FBXW11: variants seen among roughly 807,000 people sequenced by gnomAD.
FBXW11 encodes the protein F-box and WD repeat domain containing 11.
Under a neutral mutation model 77.6 loss-of-function variants are expected in FBXW11, and 19 were observed. The ratio of observed to expected loss-of-function variants is 0.24; its 90% confidence interval spans 0.17 to 0.36. The LOEUF is 0.36. Ranked by LOEUF, FBXW11 falls within the 10% of genes least tolerant of loss-of-function variation. FBXW11 has a pLI of 1.00. For missense variants in FBXW11, 334 were observed against 704.2 expected (o/e 0.47, Z 5.95); for synonymous variants, 235 against 249.4 (o/e 0.94, Z 0.54).
At chr5:171,926,885 A>G (rs1374779852) in intron 2 of FBXW11, among the ~76,000 whole-genome samples, 1 of 152,224 alleles carries the variant, frequency 6.6e-6, no homozygotes. Context: ...GGTATAATAA[A>G]TATCTATTGA....
intron 3 of FBXW11, 72 bp downstream of exon 3, chr5:171,914,271 G>A (rs1761082185): frequency 1.6e-6 from 2 of 1,286,786 alleles, no homozygotes; most frequent in Middle Eastern, 1.8e-4. Flanking sequence ...ATTCCACTGA[G>A]GACATTAACT....
At chr5:171,873,093 G>T in intron 9 of FBXW11, 103 bp from the exon 10 acceptor site, 1 of 932,220 alleles carries the variant, frequency 1.1e-6, no homozygotes, top group Non-Finnish European at 1.6e-6. Flanking sequence ...ACCCAAATAT[G>T]TGATTATAAA....
chr5:171,983,124 A>G (rs891608123), intron 1 of FBXW11, among the ~76,000 whole-genome samples: 1 of 152,140 alleles, frequency 6.6e-6, no homozygotes, highest in African/African-American at 2.4e-5. Flanking sequence ...CGAAAGGTCA[A>G]GGCTGTGGTG....
At chr5:171,864,643 T>C (rs1047720743) in intron 13 of FBXW11, among the ~76,000 whole-genome samples, 7 of 152,196 alleles carry the variant, frequency 4.6e-5, no homozygotes, top group African/African-American at 1.2e-4. Flanking sequence ...TCCTTTTTAA[T>C]AAGTAAATCA....
chr5:171,950,327 T>C (rs1459568539), intron 2 of FBXW11, among the ~76,000 whole-genome samples: 1 of 152,018 alleles, frequency 6.6e-6, no homozygotes, highest in African/African-American at 2.4e-5. Context: ...AAAGCACTGT[T>C]CACTTTAAGA....
At chr5:171,899,889 G>T in intron 5 of FBXW11, 25 bp downstream of exon 5, 1 of 1,538,306 alleles carries the variant, frequency 6.5e-7, no homozygotes, top group Non-Finnish European at 8.8e-7. Flanking sequence ...ATTTTTTCAA[G>T]GGAACAAGCA....
chr5:171,943,419 T>A (rs1312282422), intron 2 of FBXW11, among the ~76,000 whole-genome samples: 1 of 152,192 alleles, frequency 6.6e-6, no homozygotes, highest in Non-Finnish European at 1.5e-5. Flanking sequence ...GGACATCTCT[T>A]GACATCCTTT....
Position 171,879,957 on chromosome 5 carries a change from C to A in FBXW11, c.853-1828G>T, listed in dbSNP as rs367841170. Among the ~76,000 whole-genome samples, 175 of 152,228 alleles carry A rather than the reference C, an allele frequency of 1.1e-3. 1 individual carries two copies. The highest frequency in any genetic ancestry group is 3.9e-3 in the African/African-American group (164 of 41,544). ...TTTAACAAAGTCCAGCTCATTAATT[C>A]TTTCTTTCATGGGTCATGGCTTTGG... On this transcript the variant is annotated intron_variant, in intron 7 of 13. Transcript: ENST00000517395.
chr5:171,930,762 T>TAAAAAAAAAAAAATAAAAAAATA (rs1762143224), intron 2 of FBXW11, among the ~76,000 whole-genome samples: 1 of 126,536 alleles, frequency 7.9e-6, no homozygotes, highest in Non-Finnish European at 1.7e-5. Flanking sequence ...AATAAAAAAA[T>TAAAAAAAAAAAAATAAAAAAATA]AAAAAAAAAA....
intron 1 of FBXW11, among the ~76,000 whole-genome samples, chr5:171,966,383 A>G (rs1370677449): frequency 1.3e-5 from 2 of 152,162 alleles, no homozygotes; most frequent in Admixed American, 6.5e-5. Flanking sequence ...ACTACCACCC[A>G]TGATTCAAAA....
At chr5:171,977,323 AAAG>A (rs984866389) in intron 1 of FBXW11, among the ~76,000 whole-genome samples, 5 of 151,916 alleles carry the variant, frequency 3.3e-5, no homozygotes, top group African/African-American at 1.2e-4. Context: ...AAAAAAAAAA[AAAG>A]AAAGAAAGAA....
At chr5:171,905,591 C>CG (rs200358572) in intron 4 of FBXW11, among the ~76,000 whole-genome samples, 1,098 of 99,048 alleles carry the variant, frequency 0.011, 18 homozygotes, top group Non-Finnish European at 0.02. Context: ...AAAAGCTAAC[C>CG]CCCCCCCCTT....
rs1298415619 is a variant in FBXW11, at chr5:171,869,884, T to C, written c.1452-77A>G. ...TGTCAAACATTTCCTTGAAAAAAAG[T>C]AGTGCATCTGAACTGCCTATTTATA... On this transcript the variant is annotated intron_variant, in intron 11 of 13. Transcript: ENST00000517395. The surrounding 1 kb of genome is among the most constrained non-coding windows in gnomAD (Gnocchi z 4.1). The C allele has an allele frequency of 1.2e-5, 11 of 934,438 alleles. No individual in the cohort carries two copies. In the Admixed American group the frequency reaches 2.1e-4, roughly 18 times the overall value. 57.9% of individuals were successfully genotyped at this position (934,438 alleles called of 1,614,324 possible). A position where few individuals can be genotyped will look rare whatever the true frequency, so the allele number is the denominator to read the frequency against.
intron 2 of FBXW11, among the ~76,000 whole-genome samples, chr5:171,943,549 C>T (rs1762853496): frequency 6.6e-6 from 1 of 152,304 alleles, no homozygotes; most frequent in South Asian, 2.1e-4. Flanking sequence ...ATCTCCACCT[C>T]CCAGGTTCAA....
chr5:171,971,327 T>A (rs545335471), intron 1 of FBXW11, among the ~76,000 whole-genome samples: 1 of 152,336 alleles, frequency 6.6e-6, no homozygotes, highest in Non-Finnish European at 1.5e-5. Context: ...AATATATTTA[T>A]CATCTAAGGT....
intron 1 of FBXW11, among the ~76,000 whole-genome samples, chr5:172,006,007 G>C (rs1282839360): frequency 6.6e-6 from 1 of 152,218 alleles, no homozygotes; most frequent in East Asian, 1.9e-4. Context: ...AGGACGCGGA[G>C]GCCCAGGCGG....
At chr5:171,957,803 C>T (rs1415418695) in intron 1 of FBXW11, 105 bp from the exon 2 acceptor site, 1 of 948,564 alleles carries the variant, frequency 1.1e-6, no homozygotes, top group Admixed American at 1.9e-5. Context: ...GGGGGTGCAC[C>T]CTTGGCAGTT....
intron 9 of FBXW11, among the ~76,000 whole-genome samples, chr5:171,874,124 A>G (rs1190035214): frequency 6.6e-6 from 1 of 152,244 alleles, no homozygotes; most frequent in East Asian, 1.9e-4. Context: ...GTATCTGATA[A>G]GGGACTTGTG....
At chr5:171,911,743 C>A (rs1561675318) in intron 3 of FBXW11, among the ~76,000 whole-genome samples, 1 of 152,190 alleles carries the variant, frequency 6.6e-6, no homozygotes, top group Non-Finnish European at 1.5e-5. Context: ...TCCTACAAGT[C>A]CTTACATAAA....
Sources: gnomAD v4.1 joint callset for allele counts (sites outside exome capture counted in the v4.1 genomes callset) on GRCh38, gnomAD v4.1.1 for gene constraint, Gnocchi (gnomAD v3.1) non-coding constraint, MANE v1.5 for transcripts, NCBI Gene and HGNC (gene_info 2026-07-23, HGNC 2026-07-21) for gene names.